Variants in TAFA5 observed in about 807,000 individuals in gnomAD.
The protein encoded by TAFA5 is TAFA chemokine like family member 5, also known as chemokine-like protein TAFA-5.
Under a neutral mutation model 15.3 loss-of-function variants are expected in TAFA5, and 6 were observed. The observed-to-expected ratio is 0.39, with a 90% CI of 0.21 to 0.77. The LOEUF (loss-of-function observed/expected upper bound fraction) is 0.77. Ranked by LOEUF, TAFA5 falls within the 30% of genes least tolerant of loss-of-function variation. TAFA5 has a pLI of 0.41. For synonymous variants in TAFA5, 103 were observed against 80.7 expected, an observed-to-expected ratio of 1.28 and a Z score of -1.48; for missense variants, 161 against 193.1, an observed-to-expected ratio of 0.83 and a Z score of 0.98.
intron 1 of TAFA5, among the ~76,000 whole-genome samples, chr22:48,640,025 G>C (rs1926615958): frequency 6.6e-6 from 1 of 152,218 alleles, no homozygotes; most frequent in Non-Finnish European, 1.5e-5. Context: ...TGATGATGGT[G>C]CTAGCCTGGG....
At chr22:48,585,090 AGCACACACCAC>A (rs1389212034) in intron 1 of TAFA5, among the ~76,000 whole-genome samples, 2 of 148,216 alleles carry the variant, frequency 1.3e-5, no homozygotes, top group East Asian at 2.0e-4. Flanking sequence ...CTACACACAC[AGCACACACCAC>A]GCACACACAC....
intron 1 of TAFA5, among the ~76,000 whole-genome samples, chr22:48,579,463 A>G (rs1243949179): frequency 6.6e-6 from 1 of 151,650 alleles, no homozygotes; most frequent in African/African-American, 2.4e-5. Context: ...GTGTAGTTAA[A>G]GTGGGGGACG....
At chr22:48,712,121 A>G (rs1283677483) in intron 3 of TAFA5, among the ~76,000 whole-genome samples, 2 of 152,162 alleles carry the variant, frequency 1.3e-5, no homozygotes, top group Admixed American at 6.5e-5. Context: ...CAAGGGCACA[A>G]TCTTGGCTCA....
At chr22:48,590,509 G>C (rs1227454085) in intron 1 of TAFA5, among the ~76,000 whole-genome samples, 3 of 152,176 alleles carry the variant, frequency 2.0e-5, no homozygotes, top group Non-Finnish European at 2.9e-5. Flanking sequence ...CGGATTCACA[G>C]GTGGCCCAAG....
At chr22:48,499,847 G>A (rs536878106) in intron 1 of TAFA5, among the ~76,000 whole-genome samples, 5 of 152,276 alleles carry the variant, frequency 3.3e-5, no homozygotes, top group East Asian at 1.9e-4. Context: ...GGGCTGGGGC[G>A]TGGAGTGTGC....
intron 3 of TAFA5, among the ~76,000 whole-genome samples, chr22:48,747,659 G>C (rs938663207): frequency 6.6e-6 from 1 of 152,150 alleles, no homozygotes; most frequent in Non-Finnish European, 1.5e-5. Flanking sequence ...CACTTTGAGA[G>C]GCCAAGGTGA....
intron 1 of TAFA5, among the ~76,000 whole-genome samples, chr22:48,494,824 ATCTGGGCGACTAT>A (rs1158509883): frequency 2.6e-5 from 4 of 152,204 alleles, no homozygotes; most frequent in African/African-American, 9.6e-5. Context: ...CTGGCAGCAG[ATCTGGGCGACTAT>A]TCTCGTCTCT....
chr22:48,572,341 C>T (rs1364140236), intron 1 of TAFA5, among the ~76,000 whole-genome samples: 1 of 152,210 alleles, frequency 6.6e-6, no homozygotes, highest in African/African-American at 2.4e-5. Flanking sequence ...TACTGTATTC[C>T]CTGGGAATGA....
chr22:48,656,460 C>T (rs1000809338), intron 2 of TAFA5, among the ~76,000 whole-genome samples: 8 of 151,138 alleles, frequency 5.3e-5, no homozygotes, highest in Non-Finnish European at 7.4e-5. Flanking sequence ...GAGCCGAGAT[C>T]GCGTCACTGA....
At chr22:48,640,044 G>A (rs1385215337) in intron 1 of TAFA5, among the ~76,000 whole-genome samples, 5 of 152,180 alleles carry the variant, frequency 3.3e-5, no homozygotes, top group South Asian at 2.1e-4. Context: ...GGTGGGTTGT[G>A]GAGGGCGTGC....
rs540530408 is a variant in TAFA5 at position 48,504,549 on chromosome 22, A to G, written c.112+14845A>G. On this transcript the variant is annotated intron_variant, in intron 1 of 3. Transcript: ENST00000402357. ...CACCTTGCTGGGGGACGTTTCCCACATGCTGTCAGACTGGCTCAGCTTTAT... is the reference window on the plus strand; with the variant it reads ...CACCTTGCTGGGGGACGTTTCCCACGTGCTGTCAGACTGGCTCAGCTTTAT... Among the ~76,000 whole-genome samples the G allele has an allele frequency of 6.3e-4, 96 of 152,190 alleles. No individual in the cohort carries two copies. The South Asian group carries it at 0.019, about 30-fold the overall frequency.
chr22:48,618,668 T>C (rs114106029), intron 1 of TAFA5, among the ~76,000 whole-genome samples: 1,970 of 152,204 alleles, frequency 0.013, 41 homozygotes, highest in South Asian at 0.048. Context: ...CCGGAGGCAG[T>C]GTGCACAGCG....
chr22:48,548,030 G>A (rs16999372), intron 1 of TAFA5, among the ~76,000 whole-genome samples: 5,717 of 152,130 alleles, frequency 0.038, 326 homozygotes, highest in East Asian at 0.24. Context: ...CTGCGTCTTC[G>A]GAGGTCCCAG....
intron 1 of TAFA5, among the ~76,000 whole-genome samples, chr22:48,617,298 G>A (rs1023624188): frequency 2.6e-5 from 4 of 151,208 alleles, no homozygotes; most frequent in African/African-American, 9.7e-5. Context: ...GGGAGCCCAG[G>A]GGTGTGGCGG....
intron 1 of TAFA5, among the ~76,000 whole-genome samples, chr22:48,620,516 AT>A (rs1234200436): frequency 6.6e-6 from 1 of 150,472 alleles, no homozygotes; most frequent in Non-Finnish European, 1.5e-5. Flanking sequence ...TTGTTCTTCT[AT>A]TTTTGTTTTT....
intron 1 of TAFA5, among the ~76,000 whole-genome samples, chr22:48,536,914 G>C (rs1017962817): frequency 6.6e-6 from 1 of 152,216 alleles, no homozygotes; most frequent in African/African-American, 2.4e-5. Flanking sequence ...GGCGATGGCA[G>C]CGGGGCCTGG....
intron 1 of TAFA5, among the ~76,000 whole-genome samples, chr22:48,604,597 G>C (rs905421919): frequency 6.6e-6 from 1 of 152,232 alleles, no homozygotes; most frequent in Non-Finnish European, 1.5e-5. Context: ...CCTTGGGCCA[G>C]GTCCTCTTGC....
chr22:48,646,195 T>C (rs1926856506), intron 1 of TAFA5, among the ~76,000 whole-genome samples: 1 of 152,194 alleles, frequency 6.6e-6, no homozygotes, highest in Admixed American at 6.5e-5. Context: ...CACTTGGGGA[T>C]GGAGACCAAG....
chr22:48,576,166 C>G (rs546610655), intron 1 of TAFA5: 21,037 of 161,312 alleles, frequency 0.13, 1,656 homozygotes, highest in Admixed American at 0.17. Context: ...CGCCCCCCGG[C>G]GCCCCGCAGC....
Sources: gnomAD v4.1 joint callset for allele counts (sites outside exome capture counted in the v4.1 genomes callset) on GRCh38, gnomAD v4.1.1 for gene constraint, MANE v1.5 for transcripts, NCBI Gene and HGNC (gene_info 2026-07-23, HGNC 2026-07-21) for gene names.